PTPRN2: variants seen among roughly 807,000 people sequenced by gnomAD.
PTPRN2 encodes the protein receptor-type tyrosine-protein phosphatase N2.
In PTPRN2, 74 loss-of-function variants were observed where a neutral mutation model predicts 118.8. That is an observed-to-expected ratio of 0.62 (90% confidence interval 0.52 to 0.76). The LOEUF (loss-of-function observed/expected upper bound fraction) is 0.76, where lower values mean the gene tolerates loss of function less well. Among genes scored for constraint, PTPRN2 ranks in the 30% least tolerant of loss-of-function variants. PTPRN2 has a pLI of 0.00. For missense variants in PTPRN2, 1,481 were observed against 1,394.4 expected (o/e 1.06, Z -0.99); for synonymous variants, 641 against 608.0 (o/e 1.05, Z -0.80).
At chr7:157,994,198 G>A (rs78813916) in intron 11 of PTPRN2, among the ~76,000 whole-genome samples, 2 of 152,244 alleles carry the variant, frequency 1.3e-5, no homozygotes, top group East Asian at 1.9e-4. Flanking sequence ...AGAAAATACC[G>A]ATGCAGGTCA....
chr7:157,692,750 ATGAG>A (rs1797570703), intron 12 of PTPRN2, among the ~76,000 whole-genome samples: 2 of 151,994 alleles, frequency 1.3e-5, no homozygotes, highest in Admixed American at 1.3e-4. Flanking sequence ...TCCTCTGCCC[ATGAG>A]TGAACCCCTC....
At chr7:158,554,629 C>T (rs1266066305) in intron 1 of PTPRN2, among the ~76,000 whole-genome samples, 3 of 152,212 alleles carry the variant, frequency 2.0e-5, no homozygotes, top group Admixed American at 2.0e-4. Flanking sequence ...GAGATTTGAA[C>T]AAAACTGAAA....
intron 12 of PTPRN2, among the ~76,000 whole-genome samples, chr7:157,695,939 T>C (rs1450395915): frequency 6.6e-6 from 1 of 151,248 alleles, no homozygotes; most frequent in Admixed American, 6.6e-5. Flanking sequence ...TACTGGATCT[T>C]AGTAGAGCCC....
rs1440476732 is a variant in PTPRN2 at position 158,132,716 on chromosome 7, GCA to G, written c.1556+959_1556+960del. Among the ~76,000 whole-genome samples the G allele has an allele frequency of 2.7e-5, 4 of 147,594 alleles. No individual in the cohort carries two copies. In the East Asian group the frequency reaches 8.1e-4, roughly 30 times the overall value. On this transcript the variant is annotated intron_variant, in intron 9 of 22. Transcript: ENST00000389418. ...ACCCAACACACATTCATATACATAC[GCA>G]CAGATACACATTTACCCAACATACA... is the stretch of plus-strand genomic sequence containing the variant.
At position 158,587,542 on chromosome 7, in the gene PTPRN2, G is replaced by T. The variant is rs753995718; in HGVS notation, c.112+16C>A. On this transcript the variant is annotated intron_variant, in intron 1 of 22. Coordinates refer to ENST00000389418, the MANE Select transcript of PTPRN2 (RefSeq NM_002847.5). ...TAATTCATTGAGGCGCCCCTCCCCC[G>T]GCGCCCCCCACTCACCCAGACGCCC... 5.2e-6 allele frequency: 6 copies of T among 1,161,034 alleles called. No individual in the cohort carries two copies. Among genetic ancestry groups the T allele is most frequent in the Non-Finnish European group, 6.3e-6 (6 of 945,866 alleles). The allele number at this position is 1,161,034 out of a possible 1,614,324, so 71.9% of individuals were successfully genotyped here.
chr7:157,785,405 G>A lies in PTPRN2; in HGVS notation c.1789-102468C>T, dbSNP rs74490191. On this transcript the variant is annotated intron_variant, in intron 12 of 22. Coordinates refer to ENST00000389418, the MANE Select transcript of PTPRN2 (RefSeq NM_002847.5). The surrounding 1 kb of genome is among the most constrained non-coding windows in gnomAD (Gnocchi z 7.3). ...ACGAAATCGCCCCCGAGGATGAAAG[G>A]GGGTGGTGGAAAAGGCCTTGGAGCC... Among the ~76,000 whole-genome samples, 1,653 of 152,324 alleles carry A rather than the reference G, an allele frequency of 0.011. 41 individuals carry two copies. Among genetic ancestry groups the A allele is most frequent in the African/African-American group, 0.038 (1,563 of 41,586 alleles).
intron 2 of PTPRN2, among the ~76,000 whole-genome samples, chr7:158,375,420 A>G (rs1237731587): frequency 6.6e-6 from 1 of 152,208 alleles, no homozygotes; most frequent in Non-Finnish European, 1.5e-5. Context: ...AGCCAGGCTC[A>G]AGCTCCTGGT....
At position 157,826,702 on chromosome 7, in the gene PTPRN2, C is replaced by A. The variant is rs555041969; in HGVS notation, c.1788+71971G>T. Among the ~76,000 whole-genome samples, 6 of 152,150 alleles carry A rather than the reference C, an allele frequency of 3.9e-5. No homozygotes were observed. The East Asian group carries it at 1.2e-3, about 29-fold the overall frequency. ...CAGGTGAGGGCCCTGGTAATCTCAG[C>A]GGAGCCTGGCGGGGACTTGGGGGTG... On this transcript the variant is annotated intron_variant, in intron 12 of 22. Transcript: ENST00000389418.
chr7:157,807,435 A>G (rs540945563), intron 12 of PTPRN2, among the ~76,000 whole-genome samples: 2 of 152,320 alleles, frequency 1.3e-5, no homozygotes, highest in East Asian at 1.9e-4. Flanking sequence ...GCTGTGGCCA[A>G]GGTTTAGGAC....
At chr7:158,178,741 G>C (rs1159999240) in intron 5 of PTPRN2, among the ~76,000 whole-genome samples, 1 of 151,692 alleles carries the variant, frequency 6.6e-6, no homozygotes, top group Non-Finnish European at 1.5e-5. Flanking sequence ...GGGACTACAG[G>C]CACCCGCCAC....
chr7:157,839,025 T>A (rs1808180262), intron 12 of PTPRN2, among the ~76,000 whole-genome samples: 1 of 151,986 alleles, frequency 6.6e-6, no homozygotes, highest in African/African-American at 2.4e-5. Flanking sequence ...CCTCTCGTAG[T>A]GGATGGCACG....
intron 12 of PTPRN2, among the ~76,000 whole-genome samples, chr7:157,720,398 G>A (rs185646877): frequency 2.0e-4 from 30 of 152,266 alleles, no homozygotes; most frequent in Admixed American, 1.2e-3. Context: ...TGGCTTCTCC[G>A]CCTCCTGCAG....
At chr7:157,975,217 T>C (rs891097119) in intron 11 of PTPRN2, among the ~76,000 whole-genome samples, 2 of 152,180 alleles carry the variant, frequency 1.3e-5, no homozygotes, top group African/African-American at 4.8e-5. Flanking sequence ...CCAACACTGC[T>C]GTCCACTCTC....
intron 3 of PTPRN2, among the ~76,000 whole-genome samples, chr7:158,276,043 C>G (rs1177732980): frequency 1.3e-5 from 2 of 152,172 alleles, no homozygotes; most frequent in East Asian, 1.9e-4. Context: ...TTTATCTGCA[C>G]AAATCCTACA....
chr7:158,391,180 C>G (rs1811895923), intron 2 of PTPRN2, among the ~76,000 whole-genome samples: 1 of 152,258 alleles, frequency 6.6e-6, no homozygotes, highest in African/African-American at 2.4e-5. Context: ...CTGCTGCTCC[C>G]TTAAAGATAA....
At chr7:157,557,618 G>T (rs1668741842) in intron 21 of PTPRN2, among the ~76,000 whole-genome samples, 1 of 151,358 alleles carries the variant, frequency 6.6e-6, no homozygotes, top group African/African-American at 2.4e-5. Context: ...CACCTTTCCT[G>T]GATGATCTTA....
chr7:157,971,274 A>AT (rs1307662920), intron 11 of PTPRN2, among the ~76,000 whole-genome samples: 17 of 152,142 alleles, frequency 1.1e-4, no homozygotes, highest in Admixed American at 6.5e-5. Flanking sequence ...AAAAAAGGTT[A>AT]TTTTTTTCTT....
chr7:158,033,846 G>C (rs1437833567), intron 11 of PTPRN2, among the ~76,000 whole-genome samples: 2 of 150,740 alleles, frequency 1.3e-5, no homozygotes, highest in African/African-American at 4.9e-5. Flanking sequence ...TGAGGCCCGG[G>C]TGAGCATCCC....
chr7:158,326,779 ACTCAC>A (rs1803588726), intron 2 of PTPRN2, among the ~76,000 whole-genome samples: 1 of 56,212 alleles, frequency 1.8e-5, no homozygotes, highest in Admixed American at 2.1e-4. Context: ...ATGCTCACAC[ACTCAC>A]ATGCACACAC....
Sources: allele counts gnomAD v4.1 joint callset (sites outside exome capture counted in the v4.1 genomes callset), GRCh38; gene constraint gnomAD v4.1.1; non-coding constraint Gnocchi (gnomAD v3.1); transcripts MANE v1.5; gene names NCBI Gene and HGNC (gene_info 2026-07-23, HGNC 2026-07-21).